Variants in NAP1L1 observed in about 807,000 individuals in gnomAD.
The protein encoded by NAP1L1 is nucleosome assembly protein 1 like 1, also known as nucleosome assembly protein 1-like 1.
NAP1L1 carries 9 observed loss-of-function variants against 58.9 expected under a neutral mutation model. The observed-to-expected ratio is 0.15, with a 90% CI of 0.09 to 0.27. The LOEUF is 0.27. Among genes scored for constraint, NAP1L1 ranks in the 10% least tolerant of loss-of-function variants. The pLI is 1.00. For synonymous variants in NAP1L1, 130 were observed against 138.3 expected, an observed-to-expected ratio of 0.94 and a Z score of 0.42; for missense variants, 302 against 458.8, an observed-to-expected ratio of 0.66 and a Z score of 3.12.
chr12:76,052,026 A>C lies in NAP1L1; in HGVS notation c.936+1065T>G, dbSNP rs1265024589. Among the ~76,000 whole-genome samples, 8 of 152,026 alleles carry C rather than the reference A, an allele frequency of 5.3e-5. No individual in the cohort carries two copies. The East Asian group carries it at 1.5e-3, about 29-fold the overall frequency. ...AATACTTCATCTCAAAAAAAAAATAATAATAATAAAATAAAATAATCCCAC... is the reference window on the plus strand; with the variant it reads ...AATACTTCATCTCAAAAAAAAAATACTAATAATAAAATAAAATAATCCCAC... On this transcript the variant is annotated intron_variant, in intron 11 of 14. Coordinates refer to ENST00000618691, the MANE Select transcript of NAP1L1 (RefSeq NM_004537.7).
intron 11 of NAP1L1, among the ~76,000 whole-genome samples, chr12:76,051,183 G>T (rs565498244): frequency 6.6e-6 from 1 of 151,918 alleles, no homozygotes; most frequent in Non-Finnish European, 1.5e-5. Context: ...TAAGCTAGCA[G>T]GCCAGTATGC....
intron 9 of NAP1L1, 149 bp downstream of exon 9, chr12:76,053,621 G>T (rs1411845940): frequency 2.0e-5 from 20 of 1,015,674 alleles, no homozygotes; most frequent in Admixed American, 9.7e-5. Context: ...AGAATTACAG[G>T]AAACTTGATA....
chr12:76,062,575 T>C (rs1949466830), intron 4 of NAP1L1, among the ~76,000 whole-genome samples: 2 of 152,132 alleles, frequency 1.3e-5, no homozygotes, highest in South Asian at 4.1e-4. Flanking sequence ...CCAAGAAATC[T>C]ACAACAGACT....
chr12:76,051,939 G>A (rs886622491), intron 11 of NAP1L1, among the ~76,000 whole-genome samples: 8 of 151,934 alleles, frequency 5.3e-5, no homozygotes, highest in East Asian at 1.9e-4. Flanking sequence ...GCTTGAACCC[G>A]GGAGGCAGAG....
At position 76,053,687 on chromosome 12, in the gene NAP1L1, G is replaced by T. The variant is rs969009513; in HGVS notation, c.770+83C>A. 1.4e-5 allele frequency: 21 copies of T among 1,475,116 alleles called. No individual in the cohort carries two copies. The African/African-American group carries it at 2.8e-4, about 20-fold the overall frequency. 91.4% of individuals were successfully genotyped at this position (1,475,116 alleles called of 1,614,324 possible). ...GTTCAGAGACAGACTATGTACATAT[G>T]TAACTGAAAATAACCGAGTATACAA... On this transcript the variant is annotated intron_variant, in intron 9 of 14. Transcript: ENST00000618691.
chr12:76,071,953 T>A (rs889420927), intron 2 of NAP1L1, among the ~76,000 whole-genome samples: 5 of 55,014 alleles, frequency 9.1e-5, no homozygotes, highest in Non-Finnish European at 1.3e-4. Context: ...TGAATCTGAC[T>A]AGCCCAGAAA....
At chr12:76,063,971 C>T (rs1037039754) in intron 4 of NAP1L1, among the ~76,000 whole-genome samples, 7 of 150,060 alleles carry the variant, frequency 4.7e-5, no homozygotes, top group Admixed American at 2.7e-4. Context: ...CCCAACAGTT[C>T]GAGACCAGTC....
intron 4 of NAP1L1, among the ~76,000 whole-genome samples, chr12:76,061,376 C>G (rs930919015): frequency 6.6e-6 from 1 of 152,116 alleles, no homozygotes; most frequent in African/African-American, 2.4e-5. Context: ...TAAGAATGTA[C>G]GATATTTGGT....
chr12:76,063,832 G>A (rs1455680584), intron 4 of NAP1L1, among the ~76,000 whole-genome samples: 4 of 133,216 alleles, frequency 3.0e-5, no homozygotes, highest in Non-Finnish European at 6.3e-5. Context: ...ACTAGAGGAA[G>A]ACACACAGAT....
At chr12:76,060,671 T>C (rs915746728) in intron 4 of NAP1L1, among the ~76,000 whole-genome samples, 1 of 152,152 alleles carries the variant, frequency 6.6e-6, no homozygotes, top group African/African-American at 2.4e-5. Context: ...AGCATAGACA[T>C]ATCAGGAAAA....
chr12:76,069,771 C>T (rs528916812), intron 2 of NAP1L1, among the ~76,000 whole-genome samples: 115 of 151,684 alleles, frequency 7.6e-4, no homozygotes, highest in Non-Finnish European at 1.2e-3. Context: ...ATGATAGCAC[C>T]ATTCAAAGAG....
chr12:76,040,295 G>T lies in NAP1L1; in HGVS notation c.*8134C>A, dbSNP rs1948540527. 1 of 152,066 alleles carries T rather than the reference G, an allele frequency of 6.6e-6. No individual in the cohort carries two copies. The highest frequency in any genetic ancestry group is 2.4e-5 in the African/African-American group (1 of 41,402). 9.4% of individuals were successfully genotyped at this position (152,066 alleles called of 1,614,324 possible). On this transcript the variant is annotated 3_prime_UTR_variant, in exon 15 of 15. Transcript: ENST00000618691. ...TTTTGTTATGCAGTACTAGGTAACT[G>T]CAACTATTGATATGCCTTCCCTTGA...
intron 14 of NAP1L1, chr12:76,048,966 A>C: frequency 1.8e-6 from 1 of 542,310 alleles, no homozygotes; most frequent in Non-Finnish European, 3.2e-6. Context: ...GGTTCACTGT[A>C]CCTGAAACTA....
In NAP1L1 at chr12:76,045,492, A is replaced by G. The variant is rs908744832; in HGVS notation, c.*2937T>C. 2 of 152,074 alleles carry G rather than the reference A, an allele frequency of 1.3e-5. No individual in the cohort carries two copies. Among genetic ancestry groups the G allele is most frequent in the African/African-American group, 4.8e-5 (2 of 41,456 alleles). 9.4% of individuals were successfully genotyped at this position (152,074 alleles called of 1,614,324 possible). ...TACCATATCATTAACCTATTCACAC[A>G]ACAAAAATATTTTTATGAAAGTTAA... On this transcript the variant is annotated 3_prime_UTR_variant, in exon 15 of 15. Coordinates refer to ENST00000618691, the MANE Select transcript of NAP1L1 (RefSeq NM_004537.7).
intron 1 of NAP1L1, among the ~76,000 whole-genome samples, chr12:76,079,716 C>T (rs1950327871): frequency 6.9e-6 from 1 of 145,762 alleles, no homozygotes; most frequent in Non-Finnish European, 1.5e-5. Context: ...CAAGGCTTTG[C>T]TCTATTGCCC....
chr12:76,037,777 C>G lies in NAP1L1; in HGVS notation c.*10652G>C, dbSNP rs1871084034. 1 of 152,228 alleles carries G rather than the reference C, an allele frequency of 6.6e-6. No homozygotes were observed. The highest frequency in any genetic ancestry group is 1.5e-5 in the Non-Finnish European group (1 of 68,056). The allele number at this position is 152,228 out of a possible 1,614,324, so 9.4% of individuals were successfully genotyped here. On this transcript the variant is annotated 3_prime_UTR_variant, in exon 15 of 15. Coordinates refer to ENST00000618691, the MANE Select transcript of NAP1L1 (RefSeq NM_004537.7). ...GGCTGAGTTAATTCCTTCCTAATCA[C>G]TTCAAACTCTGATGAGTAGTTATCC...
At chr12:76,053,145 G>A (rs1018873581) in intron 10 of NAP1L1, 35 bp from the exon 11 acceptor site, 2 of 1,612,072 alleles carry the variant, frequency 1.2e-6, no homozygotes, top group African/African-American at 1.3e-5. Flanking sequence ...CAATGAATAA[G>A]AAGCTAAGCA....
intron 11 of NAP1L1, 113 bp downstream of exon 11, chr12:76,052,978 T>C (rs1948911481): frequency 8.4e-6 from 8 of 947,452 alleles, no homozygotes; most frequent in African/African-American, 3.4e-5. Context: ...GCCCCATGCA[T>C]TGTAGGCCTC....
intron 2 of NAP1L1, among the ~76,000 whole-genome samples, chr12:76,071,641 C>A (rs1949957755): frequency 6.6e-6 from 1 of 152,100 alleles, no homozygotes; most frequent in Non-Finnish European, 1.5e-5. Flanking sequence ...AGGATAAGAA[C>A]TGGTAGCACC....
Sources: allele counts gnomAD v4.1 joint callset (sites outside exome capture counted in the v4.1 genomes callset), GRCh38; gene constraint gnomAD v4.1.1; transcripts MANE v1.5; gene names NCBI Gene and HGNC (gene_info 2026-07-23, HGNC 2026-07-21).